RNGTT: variants seen among roughly 807,000 people sequenced by gnomAD.
RNGTT encodes mRNA-capping enzyme.
Under a neutral mutation model 79.3 loss-of-function variants are expected in RNGTT, and 33 were observed. The observed-to-expected ratio is 0.42, with a 90% CI of 0.32 to 0.56. The LOEUF is 0.56. RNGTT is among the 20% of genes least tolerant of loss of function. The probability of loss-of-function intolerance (pLI) is 0.17; values close to 1 mark genes in which losing one functional copy is unlikely to be tolerated. For synonymous variants in RNGTT, 222 were observed against 235.9 expected (o/e 0.94, Z 0.54); for missense variants, 497 against 739.1 (o/e 0.67, Z 3.80).
intron 13 of RNGTT, among the ~76,000 whole-genome samples, chr6:88,759,420 C>T (rs893647064): frequency 5.9e-5 from 9 of 152,124 alleles, no homozygotes; most frequent in African/African-American, 2.2e-4. Flanking sequence ...AATCTTCGTG[C>T]TGGATATGCT....
chr6:88,655,937 G>T lies in RNGTT; in HGVS notation c.1506+22416C>A, dbSNP rs1773961060. Among the ~76,000 whole-genome samples, 4 of 152,204 alleles carry T rather than the reference G, an allele frequency of 2.6e-5. 1 individual carries two copies. Among genetic ancestry groups the T allele is most frequent in the Middle Eastern group, 6.8e-3 (2 of 294 alleles). On this transcript the variant is annotated intron_variant, in intron 14 of 15. Coordinates refer to ENST00000369485, the MANE Select transcript of RNGTT (RefSeq NM_003800.5). ...AAGCTTTCATAATGAGAAACCTAAA[G>T]AATTAGCATTAAGATTTTTACTAGA... is the stretch of plus-strand genomic sequence containing the variant.
chr6:88,705,222 T>A (rs1317985857), intron 13 of RNGTT, among the ~76,000 whole-genome samples: 2 of 152,128 alleles, frequency 1.3e-5, no homozygotes, highest in Non-Finnish European at 2.9e-5. Context: ...CCTCTAAGCA[T>A]AGTGTGTGAC....
intron 6 of RNGTT, among the ~76,000 whole-genome samples, chr6:88,894,386 T>C (rs1234743849): frequency 6.6e-6 from 1 of 152,162 alleles, no homozygotes; most frequent in Non-Finnish European, 1.5e-5. Context: ...AGAACAATCA[T>C]CCAGGATGTA....
At chr6:88,871,878 A>G (rs74549039) in intron 8 of RNGTT, among the ~76,000 whole-genome samples, 1 of 152,262 alleles carries the variant, frequency 6.6e-6, no homozygotes, top group African/African-American at 2.4e-5. Flanking sequence ...GTTTATGGCC[A>G]CGAAGAAGAT....
At chr6:88,824,219 C>G (rs1311371896) in intron 11 of RNGTT, among the ~76,000 whole-genome samples, 2 of 152,134 alleles carry the variant, frequency 1.3e-5, no homozygotes, top group Non-Finnish European at 2.9e-5. Flanking sequence ...CTTACACAAA[C>G]CTAGATGGTC....
intron 11 of RNGTT, among the ~76,000 whole-genome samples, chr6:88,841,177 C>A (rs59233837): frequency 6.6e-6 from 1 of 152,070 alleles, no homozygotes; most frequent in Non-Finnish European, 1.5e-5. Context: ...CTTGTAGGTA[C>A]CCCCTTAATA....
At chr6:88,766,230 T>C (rs1778456248) in intron 13 of RNGTT, among the ~76,000 whole-genome samples, 1 of 152,232 alleles carries the variant, frequency 6.6e-6, no homozygotes, top group African/African-American at 2.4e-5. Flanking sequence ...GGAGATAACC[T>C]AGGCAGTCCA....
rs1489024236 is a variant in RNGTT at position 88,614,304 on chromosome 6, T to C, written c.1598A>G (p.Lys533Arg). Residue 533 changes from lysine to arginine, a missense_variant, in exon 15 of 16, where the codon AAA (lysine) becomes AGA (arginine). Around this residue, in one of 3 missense-constraint regions of RNGTT, gnomAD observed 440 missense variants for 671.5 expected, o/e 0.66. Coordinates refer to ENST00000369485, the MANE Select transcript of RNGTT (RefSeq NM_003800.5). ...SWVFMRQRTD[K>R]SFPNAYNTAM... ...AGTGTTGTAGGCATTAGGAAAACTT[T>C]TGTCTGTTCTCTGTCTCATGAAGAC... 4 of 1,613,880 alleles carry C rather than the reference T, an allele frequency of 2.5e-6. No individual in the cohort carries two copies. The highest frequency in any genetic ancestry group is 1.1e-5 in the South Asian group (1 of 91,078).
intron 11 of RNGTT, among the ~76,000 whole-genome samples, chr6:88,822,517 C>T (rs1780526922): frequency 6.6e-6 from 1 of 152,266 alleles, no homozygotes; most frequent in Non-Finnish European, 1.5e-5. Flanking sequence ...TTTCACAGAA[C>T]AATTCACTAC....
intron 2 of RNGTT, among the ~76,000 whole-genome samples, chr6:88,930,137 C>A (rs1165902231): frequency 7.1e-6 from 1 of 141,520 alleles, no homozygotes; most frequent in Admixed American, 6.9e-5. Context: ...CGTATACATA[C>A]ATATACATAT....
At chr6:88,787,065 T>C (rs894671856) in intron 12 of RNGTT, among the ~76,000 whole-genome samples, 2 of 152,222 alleles carry the variant, frequency 1.3e-5, no homozygotes, top group Non-Finnish European at 2.9e-5. Context: ...TAAATTTCTG[T>C]TGTTTATAAG....
intron 6 of RNGTT, among the ~76,000 whole-genome samples, chr6:88,892,569 A>G (rs980794023): frequency 6.6e-6 from 1 of 152,118 alleles, no homozygotes; most frequent in African/African-American, 2.4e-5. Context: ...TCAGAACTAC[A>G]TATTTTGAAA....
At chr6:88,880,028 C>T (rs1782644861) in intron 8 of RNGTT, among the ~76,000 whole-genome samples, 1 of 152,152 alleles carries the variant, frequency 6.6e-6, no homozygotes, top group Admixed American at 6.5e-5. Flanking sequence ...ATATTTACTA[C>T]TACGTCCTTC....
chr6:88,627,572 T>C (rs1408678108), intron 14 of RNGTT, among the ~76,000 whole-genome samples: 1 of 152,166 alleles, frequency 6.6e-6, no homozygotes, highest in African/African-American at 2.4e-5. Context: ...TGTGGTTATG[T>C]GGGAGTAAAC....
chr6:88,829,552 A>C (rs1780782590), intron 11 of RNGTT, among the ~76,000 whole-genome samples: 1 of 152,176 alleles, frequency 6.6e-6, no homozygotes, highest in Non-Finnish European at 1.5e-5. Context: ...AAATGGGCTA[A>C]ATGCCCCAAA....
At chr6:88,933,878 G>A (rs570348016) in intron 2 of RNGTT, among the ~76,000 whole-genome samples, 2 of 152,208 alleles carry the variant, frequency 1.3e-5, no homozygotes, top group South Asian at 2.1e-4. Context: ...CTGCTAGATC[G>A]TATAGCAGTT....
chr6:88,632,338 G>A (rs145645299), intron 14 of RNGTT, among the ~76,000 whole-genome samples: 2 of 152,174 alleles, frequency 1.3e-5, no homozygotes, highest in African/African-American at 2.4e-5. Flanking sequence ...GCCTCTTTGG[G>A]TGCAGAACTA....
intron 14 of RNGTT, among the ~76,000 whole-genome samples, chr6:88,656,612 G>C (rs1402081174): frequency 6.6e-6 from 1 of 152,014 alleles, no homozygotes; most frequent in African/African-American, 2.4e-5. Flanking sequence ...ATAAGCAAAA[G>C]TATGTCTATG....
intron 5 of RNGTT, among the ~76,000 whole-genome samples, chr6:88,905,284 CAAT>C (rs1435621730): frequency 3.9e-5 from 6 of 152,088 alleles, no homozygotes; most frequent in African/African-American, 1.2e-4. Flanking sequence ...AAAAAAACAA[CAAT>C]GTGAGCAAAG....
Sources: allele counts gnomAD v4.1 joint callset (sites outside exome capture counted in the v4.1 genomes callset), GRCh38; gene constraint gnomAD v4.1.1; regional missense constraint gnomAD v4.1.1; transcripts MANE v1.5; gene names NCBI Gene and HGNC (gene_info 2026-07-23, HGNC 2026-07-21).